PSMG4: variants seen among roughly 807,000 people sequenced by gnomAD.
The protein encoded by PSMG4 is proteasome assembly chaperone 4.
Under a neutral mutation model 11.0 loss-of-function variants are expected in PSMG4, and 10 were observed. That is an observed-to-expected ratio of 0.91 (90% CI 0.56 to 1.54). The LOEUF (loss-of-function observed/expected upper bound fraction) is 1.54. PSMG4 is among the 40% of genes most tolerant of loss of function. The pLI, the probability that PSMG4 is intolerant of heterozygous loss-of-function variation, is 0.00. For synonymous variants in PSMG4, 95 were observed against 71.3 expected (o/e 1.33, Z -1.68); for missense variants, 198 against 160.9 (o/e 1.23, Z -1.25).
Position 3,267,558 on chromosome 6 carries a change from G to C in PSMG4, c.251-33G>C, listed in dbSNP as rs534582379. On this transcript the variant is annotated intron_variant, in intron 2 of 2. Coordinates refer to ENST00000438998, the MANE Select transcript of PSMG4 (RefSeq NM_001128591.2). Reference sequence around the variant, plus strand: ...GAACACGGGGCCTGCAGTATTTCAGGAGTGGCTGTATCAATGTGTTTTCTC... The same window carrying C: ...GAACACGGGGCCTGCAGTATTTCAGCAGTGGCTGTATCAATGTGTTTTCTC... 4 of 1,548,370 alleles carry C rather than the reference G, an allele frequency of 2.6e-6. No homozygotes were observed. In the East Asian group the frequency reaches 9.8e-5, roughly 38 times the overall value.
chr6:3,265,499 A>C (rs1050884511), intron 2 of PSMG4: 2 of 152,308 alleles, frequency 1.3e-5, no homozygotes, highest in African/African-American at 4.8e-5. Flanking sequence ...GTTGTTCCTC[A>C]GAAATCCTGT....
intron 1 of PSMG4, among the ~76,000 whole-genome samples, chr6:3,262,244 A>C (rs561809567): frequency 6.6e-6 from 1 of 152,334 alleles, no homozygotes; most frequent in East Asian, 1.9e-4. Context: ...CTGGGAGACC[A>C]CAGTCCTAGT....
chr6:3,255,091 T>A, upstream of PSMG4: 4 of 1,550,880 alleles, frequency 2.6e-6, no homozygotes, highest in Non-Finnish European at 3.5e-6. Context: ...CCTAAGAAGT[T>A]GGCTGCATAG....
Position 3,260,291 on chromosome 6 carries a change from A to ATTTTTTTTTTTTTTTTTTTTTTTTTT in PSMG4, c.174+1113_174+1114insTTTTTTTTTTTTTTTTTTTTTTTTTT, listed in dbSNP as rs869076629. Among the ~76,000 whole-genome samples the ATTTTTTTTTTTTTTTTTTTTTTTTTT allele has an allele frequency of 1.7e-4, 12 of 70,840 alleles. 1 individual carries two copies. Among genetic ancestry groups the ATTTTTTTTTTTTTTTTTTTTTTTTTT allele is most frequent in the Non-Finnish European group, 3.0e-4 (12 of 39,604 alleles). 46.5% of individuals were successfully genotyped at this position (70,840 alleles called of 152,430 possible). On this transcript the variant is annotated intron_variant, in intron 1 of 2. Coordinates refer to ENST00000438998, the MANE Select transcript of PSMG4 (RefSeq NM_001128591.2). ...TGTCTTAAATTGTATATATATATAT[A>ATTTTTTTTTTTTTTTTTTTTTTTTTT]TTTTTTTTTTTTTTTTTTGAAGCAA...
At chr6:3,256,753 T>A (rs1316336557), upstream of PSMG4, among the ~76,000 whole-genome samples, 20 of 152,236 alleles carry the variant, frequency 1.3e-4, no homozygotes, top group Admixed American at 1.3e-3. Context: ...AGTTGTGAGT[T>A]GTTCTGCACT....
intron 1 of PSMG4, among the ~76,000 whole-genome samples, chr6:3,262,925 C>G (rs1440507372): frequency 1.3e-5 from 2 of 152,060 alleles, no homozygotes; most frequent in Non-Finnish European, 2.9e-5. Flanking sequence ...AGCAGTCCTC[C>G]CTCCACAGGC....
upstream of PSMG4, chr6:3,255,092 G>T: frequency 6.4e-7 from 1 of 1,550,828 alleles, no homozygotes; most frequent in South Asian, 1.2e-5. Context: ...CTAAGAAGTT[G>T]GCTGCATAGG....
intron 1 of PSMG4, among the ~76,000 whole-genome samples, chr6:3,260,755 C>T (rs1231165128): frequency 6.6e-6 from 1 of 152,196 alleles, no homozygotes; most frequent in Non-Finnish European, 1.5e-5. Context: ...ATTCAGGCCA[C>T]AACACTGCCT....
upstream of PSMG4, among the ~76,000 whole-genome samples, chr6:3,255,433 A>G (rs62391759): frequency 5.1e-3 from 706 of 139,776 alleles, 2 homozygotes; most frequent in South Asian, 0.024. Context: ...CTCCAGCCAC[A>G]TGCCCCTTCT....
upstream of PSMG4, among the ~76,000 whole-genome samples, chr6:3,258,481 T>TAGG (rs1757839293): frequency 6.6e-6 from 1 of 152,172 alleles, no homozygotes; most frequent in Admixed American, 6.5e-5. Flanking sequence ...AAAGGGCTGC[T>TAGG]AGGAGGAGGA....
intron 2 of PSMG4, chr6:3,263,980 G>C: frequency 2.2e-6 from 3 of 1,337,520 alleles, no homozygotes; most frequent in Non-Finnish European, 2.0e-6. Context: ...TGTTCCCAAA[G>C]GACTCCCACC....
intron 2 of PSMG4, chr6:3,267,170 AT>A (rs11305981): frequency 0.65 from 96,556 of 148,274 alleles, 34,875 homozygotes; most frequent in Non-Finnish European, 0.82. Flanking sequence ...TTGTGTTTAA[AT>A]TTTTTTTTTT....
intron 2 of PSMG4, chr6:3,264,110 G>C: frequency 6.6e-7 from 1 of 1,510,048 alleles, no homozygotes; most frequent in Non-Finnish European, 8.9e-7. Flanking sequence ...GGTGGCTCAA[G>C]GTAGCCTCCC....
At chr6:3,259,564 T>G (rs1003451838) in intron 1 of PSMG4, among the ~76,000 whole-genome samples, 11 of 152,244 alleles carry the variant, frequency 7.2e-5, no homozygotes, top group Non-Finnish European at 1.5e-4. Flanking sequence ...CTCTTGCGTC[T>G]CCACTGGATG....
chr6:3,267,634 G>C lies in PSMG4; in HGVS notation c.294G>C (p.Gln98His), dbSNP rs1359606882. Residue 98 changes from glutamine to histidine, a missense_variant, in exon 3 of 3, where the codon CAG (glutamine) becomes CAC (histidine). By Grantham distance (24) the Gln-to-His change is conservative. Coordinates refer to ENST00000438998, the MANE Select transcript of PSMG4 (RefSeq NM_001128591.2). Reference protein sequence around the residue: ...NKQVFVSYNLQNTDSNFALLV... With the variant: ...NKQVFVSYNLHNTDSNFALLV... ...AGGTGTTTGTCAGCTATAACCTTCAGAACACAGACAGTAACTTCGCATTAC... is the reference window on the plus strand; with the variant it reads ...AGGTGTTTGTCAGCTATAACCTTCACAACACAGACAGTAACTTCGCATTAC... 1 of 1,552,084 alleles carries C rather than the reference G, an allele frequency of 6.4e-7. No individual in the cohort carries two copies. The highest frequency in any genetic ancestry group is 8.7e-7 in the Non-Finnish European group (1 of 1,147,032).
upstream of PSMG4, among the ~76,000 whole-genome samples, chr6:3,256,418 C>T (rs1403546415): frequency 6.6e-6 from 1 of 152,198 alleles, no homozygotes; most frequent in Non-Finnish European, 1.5e-5. Context: ...ACTGTGATGA[C>T]ACTTCAGTTT....
intron 1 of PSMG4, among the ~76,000 whole-genome samples, chr6:3,260,633 G>C (rs1048086669): frequency 1.3e-5 from 2 of 152,110 alleles, no homozygotes; most frequent in African/African-American, 4.8e-5. Context: ...TAGCCGCCGC[G>C]CCTGGTCTAA....
upstream of PSMG4, chr6:3,255,081 C>T (rs147469726): frequency 7.7e-5 from 120 of 1,550,990 alleles, no homozygotes; most frequent in Middle Eastern, 1.3e-3. Flanking sequence ...TGCTTCTATT[C>T]CTAAGAAGTT....
At chr6:3,255,074 T>C, upstream of PSMG4, 4 of 1,550,996 alleles carry the variant, frequency 2.6e-6, no homozygotes, top group Non-Finnish European at 3.5e-6. Context: ...TGGAATATGC[T>C]TCTATTCCTA....
Sources: allele counts gnomAD v4.1 joint callset (sites outside exome capture counted in the v4.1 genomes callset), GRCh38; gene constraint gnomAD v4.1.1; transcripts MANE v1.5; gene names NCBI Gene and HGNC (gene_info 2026-07-23, HGNC 2026-07-21).